MAML2: variants seen among roughly 807,000 people sequenced by gnomAD.
The protein encoded by MAML2 is mastermind-like protein 2.
Under a neutral mutation model 96.1 loss-of-function variants are expected in MAML2, and 22 were observed. The ratio of observed to expected loss-of-function variants is 0.23; its 90% CI spans 0.16 to 0.33. MAML2 has a LOEUF of 0.33. Among genes scored for constraint, MAML2 ranks in the 10% least tolerant of loss-of-function variants. MAML2 has a pLI of 1.00. For synonymous variants in MAML2, 561 were observed against 521.3 expected (o/e 1.08, Z -1.04); for missense variants, 1,367 against 1,392.4 (o/e 0.98, Z 0.29).
intron 1 of MAML2, among the ~76,000 whole-genome samples, chr11:96,211,745 G>C (rs1406965815): frequency 1.3e-5 from 2 of 152,108 alleles, no homozygotes; most frequent in African/African-American, 2.4e-5. Flanking sequence ...CTCTAATCCT[G>C]GAAATTGCTA....
At chr11:96,119,308 C>A (rs1163062357) in intron 1 of MAML2, among the ~76,000 whole-genome samples, 1 of 152,128 alleles carries the variant, frequency 6.6e-6, no homozygotes, top group African/African-American at 2.4e-5. Flanking sequence ...TCACAAGGGT[C>A]CTTACAAGGA....
intron 1 of MAML2, among the ~76,000 whole-genome samples, chr11:96,121,779 G>GTTTTTTTTTTTT (rs1405872923): frequency 7.4e-5 from 3 of 40,810 alleles, no homozygotes; most frequent in Non-Finnish European, 4.7e-5. Flanking sequence ...CCAACTGCGT[G>GTTTTTTTTTTTT]ATTTTTTTTT....
intron 1 of MAML2, among the ~76,000 whole-genome samples, chr11:96,190,468 A>T (rs572047511): frequency 6.6e-6 from 1 of 152,250 alleles, no homozygotes; most frequent in African/African-American, 2.4e-5. Context: ...CAGCCAATCC[A>T]TGAAAGAATG....
At chr11:96,036,769 A>G (rs1449747977) in intron 2 of MAML2, among the ~76,000 whole-genome samples, 2 of 152,166 alleles carry the variant, frequency 1.3e-5, no homozygotes, top group Non-Finnish European at 2.9e-5. Flanking sequence ...TTAACCCCCA[A>G]TAATTCTTAC....
intron 1 of MAML2, among the ~76,000 whole-genome samples, chr11:96,179,259 T>C (rs1366252893): frequency 6.6e-6 from 1 of 152,160 alleles, no homozygotes; most frequent in East Asian, 1.9e-4. Context: ...AGAGAAATAG[T>C]TCAGATGTCC....
intron 1 of MAML2, among the ~76,000 whole-genome samples, chr11:96,275,002 C>G (rs1862967389): frequency 6.6e-6 from 1 of 152,028 alleles, no homozygotes; most frequent in South Asian, 2.1e-4. Flanking sequence ...TATTGTTGCA[C>G]TAATTCCATG....
At chr11:96,102,552 T>C (rs1165910927) in intron 1 of MAML2, among the ~76,000 whole-genome samples, 1 of 152,168 alleles carries the variant, frequency 6.6e-6, no homozygotes, top group African/African-American at 2.4e-5. Flanking sequence ...ATTATGATAT[T>C]CTGTTAGTGG....
At chr11:96,226,088 A>C (rs1006502402) in intron 1 of MAML2, among the ~76,000 whole-genome samples, 1 of 152,230 alleles carries the variant, frequency 6.6e-6, no homozygotes, top group Admixed American at 6.5e-5. Flanking sequence ...ACAAAGACAA[A>C]TAAGATATGG....
intron 2 of MAML2, among the ~76,000 whole-genome samples, chr11:96,037,343 A>C (rs1308001216): frequency 6.6e-6 from 1 of 152,212 alleles, no homozygotes; most frequent in African/African-American, 2.4e-5. Flanking sequence ...TCTTTGGCTA[A>C]ATTGTCCAAA....
At chr11:96,184,170 C>T (rs890732873) in intron 1 of MAML2, among the ~76,000 whole-genome samples, 2 of 152,346 alleles carry the variant, frequency 1.3e-5, no homozygotes, top group East Asian at 1.9e-4. Context: ...AAGCTGGGCA[C>T]GGCGGCTCAC....
chr11:96,025,100 C>T (rs1458973288), intron 2 of MAML2, among the ~76,000 whole-genome samples: 1 of 152,128 alleles, frequency 6.6e-6, no homozygotes, highest in Non-Finnish European at 1.5e-5. Context: ...CGTGCACTCG[C>T]ATGTTTATCA....
At chr11:96,305,140 C>T (rs1032940073) in intron 1 of MAML2, among the ~76,000 whole-genome samples, 1 of 152,010 alleles carries the variant, frequency 6.6e-6, no homozygotes, top group Non-Finnish European at 1.5e-5. Context: ...AAAATTAAAG[C>T]TATTACATTT....
At chr11:96,080,780 G>A (rs12574563) in intron 2 of MAML2, among the ~76,000 whole-genome samples, 34,485 of 152,150 alleles carry the variant, frequency 0.23, 4,393 homozygotes, top group South Asian at 0.34. Flanking sequence ...TCTGGGAAGT[G>A]CAGGCGTCAT....
chr11:95,998,669 T>C (rs1478328391), intron 2 of MAML2, among the ~76,000 whole-genome samples: 2 of 152,188 alleles, frequency 1.3e-5, no homozygotes, highest in Non-Finnish European at 2.9e-5. Context: ...ACTGTGCTAC[T>C]GATGGATCAT....
intron 1 of MAML2, among the ~76,000 whole-genome samples, chr11:96,241,834 C>T (rs1862442144): frequency 6.6e-6 from 1 of 152,204 alleles, no homozygotes; most frequent in Admixed American, 6.5e-5. Flanking sequence ...TCTGTTCAAT[C>T]ATTTTAGAAA....
chr11:96,114,978 T>C (rs1451019626), intron 1 of MAML2, among the ~76,000 whole-genome samples: 1 of 152,120 alleles, frequency 6.6e-6, no homozygotes, highest in African/African-American at 2.4e-5. Flanking sequence ...TGGAGGTTGG[T>C]TAGAAACTGA....
intron 2 of MAML2, among the ~76,000 whole-genome samples, chr11:96,030,450 A>C (rs543562606): frequency 6.6e-6 from 1 of 152,310 alleles, no homozygotes; most frequent in Non-Finnish European, 1.5e-5. Flanking sequence ...CACAAATATA[A>C]GGAAAATTGT....
At chr11:96,239,736 G>C (rs2047023573) in intron 1 of MAML2, among the ~76,000 whole-genome samples, 1 of 152,202 alleles carries the variant, frequency 6.6e-6, no homozygotes, top group South Asian at 2.1e-4. Context: ...CCATGTCATA[G>C]AGCAGCAGTG....
At chr11:96,261,150 G>A (rs960594373) in intron 1 of MAML2, among the ~76,000 whole-genome samples, 3 of 152,012 alleles carry the variant, frequency 2.0e-5, no homozygotes, top group African/African-American at 7.3e-5. Flanking sequence ...CCTCATAAAT[G>A]GATTAATCCA....
Sources: gnomAD v4.1 joint callset for allele counts (sites outside exome capture counted in the v4.1 genomes callset) on GRCh38, gnomAD v4.1.1 for gene constraint, MANE v1.5 for transcripts, NCBI Gene and HGNC (gene_info 2026-07-23, HGNC 2026-07-21) for gene names.